MAP1B: variants seen among roughly 807,000 people sequenced by gnomAD.
MAP1B encodes the protein microtubule associated protein 1B.
In MAP1B, 12 loss-of-function variants were observed where a neutral mutation model predicts 176.1. The ratio of observed to expected loss-of-function variants is 0.07; its 90% CI spans 0.04 to 0.11. The LOEUF is 0.11. Among genes scored for constraint, MAP1B ranks in the 10% least tolerant of loss-of-function variants. The pLI, the probability that MAP1B is intolerant of heterozygous loss-of-function variation, is 1.00. For synonymous variants in MAP1B, 1,044 were observed against 1,135.0 expected (o/e 0.92, Z 1.61); for missense variants, 2,523 against 2,990.5 (o/e 0.84, Z 3.65).
At position 72,189,387 on chromosome 5, in the gene MAP1B, G is replaced by C. The variant is rs1746978110; in HGVS notation, c.510+2633G>C. Among the ~76,000 whole-genome samples, 3 of 152,214 alleles carry C rather than the reference G, an allele frequency of 2.0e-5. No individual in the cohort carries two copies. In the South Asian group the frequency reaches 6.2e-4, roughly 32 times the overall value. On this transcript the variant is annotated intron_variant, in intron 4 of 6. Transcript: ENST00000296755. ...TTTGTCTCATTGTATCTTCAAGGAA[G>C]TGATGTGATCCCTTTCCCACCTACA...
chr5:72,118,584 T>C (rs1483214987), intron 2 of MAP1B, among the ~76,000 whole-genome samples: 1 of 151,798 alleles, frequency 6.6e-6, no homozygotes, highest in Non-Finnish European at 1.5e-5. Flanking sequence ...CTGCATCAAA[T>C]CCAGGCTTCA....
At chr5:72,200,648 C>G (rs13189823) in intron 5 of MAP1B, among the ~76,000 whole-genome samples, 1 of 152,256 alleles carries the variant, frequency 6.6e-6, no homozygotes, top group African/African-American at 2.4e-5. Context: ...CAGCCCTGTT[C>G]TAAATCTTCA....
intron 2 of MAP1B, among the ~76,000 whole-genome samples, chr5:72,163,838 T>A (rs565101437): frequency 6.6e-6 from 1 of 152,084 alleles, no homozygotes; most frequent in East Asian, 1.9e-4. Flanking sequence ...TAGATCCATA[T>A]AAATTCATAT....
chr5:72,145,713 AATG>A (rs1379832460), intron 2 of MAP1B, among the ~76,000 whole-genome samples: 2 of 152,208 alleles, frequency 1.3e-5, no homozygotes, highest in African/African-American at 2.4e-5. Context: ...GGCCCCATAC[AATG>A]ATGATGGGAA....
intron 2 of MAP1B, among the ~76,000 whole-genome samples, chr5:72,137,179 C>G (rs1202792776): frequency 6.6e-6 from 1 of 152,196 alleles, no homozygotes; most frequent in African/African-American, 2.4e-5. Context: ...TTTTTATCTT[C>G]CTAGGCATGT....
intron 2 of MAP1B, among the ~76,000 whole-genome samples, chr5:72,141,762 A>T (rs1001011653): frequency 3.9e-5 from 6 of 152,198 alleles, no homozygotes; most frequent in Non-Finnish European, 8.8e-5. Context: ...ATCATGGTTT[A>T]AAAAAAGAAA....
At chr5:72,147,805 G>A (rs113434415) in intron 2 of MAP1B, among the ~76,000 whole-genome samples, 55 of 152,316 alleles carry the variant, frequency 3.6e-4, no homozygotes, top group African/African-American at 1.2e-3. Context: ...TGTTGCCTGG[G>A]AAACTTGCTG....
At chr5:72,117,654 G>C (rs1745458360) in intron 2 of MAP1B, among the ~76,000 whole-genome samples, 1 of 152,172 alleles carries the variant, frequency 6.6e-6, no homozygotes, top group Admixed American at 6.5e-5. Context: ...ATCACCTTCA[G>C]TAAGGATTAG....
intron 4 of MAP1B, among the ~76,000 whole-genome samples, chr5:72,190,772 T>G (rs1747009027): frequency 6.6e-6 from 1 of 152,210 alleles, no homozygotes; most frequent in African/African-American, 2.4e-5. Flanking sequence ...ATCACACTGT[T>G]CAGGGGTCCT....
rs1229105436 is a variant in MAP1B at position 72,207,332 on chromosome 5, A to C, written c.*2093A>C. ...TTTCTATGTTAGTTATTTATTTCAAAATTAACATTTTAGTTGATTTTTGTC... is the reference window on the plus strand; with the variant it reads ...TTTCTATGTTAGTTATTTATTTCAACATTAACATTTTAGTTGATTTTTGTC... On this transcript the variant is annotated 3_prime_UTR_variant, in exon 7 of 7. Coordinates refer to ENST00000296755, the MANE Select transcript of MAP1B (RefSeq NM_005909.5). The C allele has an allele frequency of 6.6e-6, 1 of 152,148 alleles. No individual in the cohort carries two copies. The highest frequency in any genetic ancestry group is 1.5e-5 in the Non-Finnish European group (1 of 68,032). 9.4% of individuals were successfully genotyped at this position (152,148 alleles called of 1,614,324 possible).
In MAP1B at chr5:72,186,620, T is replaced by C. The variant is rs771590409; in HGVS notation, c.376T>C (p.Leu126=). 2 of 1,614,118 alleles carry C rather than the reference T, an allele frequency of 1.2e-6. No homozygotes were observed. The highest frequency in any genetic ancestry group is 2.2e-5 in the East Asian group (1 of 44,888). The change falls in exon 4 of 7, where the codon TTA becomes CTA. Residue 126 remains leucine (L), a synonymous_variant. Transcript: ENST00000296755. This position sits in a 1 kb window ranked among gnomAD's most constrained non-coding sequence, Gnocchi z 4.3. ...GTTCTGTGCTTTATTTCAGGTGCGCTTAATGATCACTGATGCTGCCCGACA... is the reference window on the plus strand; with the variant it reads ...GTTCTGTGCTTTATTTCAGGTGCGCCTAATGATCACTGATGCTGCCCGACA... The part of the protein sequence containing the change: ...SDEAVSTEVR[L]MITDAARHKL...
intron 2 of MAP1B, among the ~76,000 whole-genome samples, chr5:72,178,725 G>GGTGTGTGT (rs34082751): frequency 6.8e-4 from 95 of 140,502 alleles, no homozygotes; most frequent in East Asian, 1.5e-3. Context: ...GCCTCTGAGG[G>GGTGTGTGT]GTGTGTGTGT....
intron 2 of MAP1B, among the ~76,000 whole-genome samples, chr5:72,143,136 G>A (rs1745978676): frequency 6.6e-6 from 1 of 152,074 alleles, no homozygotes; most frequent in Non-Finnish European, 1.5e-5. Flanking sequence ...ACTAAGTGTA[G>A]AAACATCTTT....
intron 2 of MAP1B, among the ~76,000 whole-genome samples, chr5:72,164,765 A>T (rs1746393930): frequency 2.6e-5 from 4 of 152,120 alleles, no homozygotes; most frequent in Admixed American, 6.5e-5. Context: ...GTGGTCTTAA[A>T]CAGAAGAGCT....
chr5:72,202,783 C>T (rs1248110202), intron 5 of MAP1B, among the ~76,000 whole-genome samples: 1 of 152,210 alleles, frequency 6.6e-6, no homozygotes, highest in East Asian at 1.9e-4. Flanking sequence ...AAGCTTTAAA[C>T]TTCCTAACTG....
chr5:72,184,762 C>T (rs1413580108), intron 3 of MAP1B, among the ~76,000 whole-genome samples: 2 of 152,164 alleles, frequency 1.3e-5, no homozygotes, highest in South Asian at 2.1e-4. Flanking sequence ...TTGTTTGCAG[C>T]GTCCCTTCTA....
chr5:72,197,122 G>A lies in MAP1B; in HGVS notation c.3767G>A (p.Ser1256Asn). ...VSSEKVSPSK[S>N]PSLSPSPPSP... ...AGTGAAAAGGTCAGCCCATCGAAGA[G>A]CCCGTCCCTGAGTCCATCTCCACCA... The change falls in exon 5 of 7, where the codon AGC becomes AAC. Residue 1256 changes from serine (S) to asparagine (N), a missense_variant. Physicochemically the swap from Ser to Asn is conservative, Grantham distance 46. Coordinates refer to ENST00000296755, the MANE Select transcript of MAP1B (RefSeq NM_005909.5). 3 of 1,614,222 alleles carry A rather than the reference G, an allele frequency of 1.9e-6. No individual in the cohort carries two copies. Among genetic ancestry groups the A allele is most frequent in the Non-Finnish European group, 2.5e-6 (3 of 1,180,040 alleles).
In MAP1B at chr5:72,197,717, C is replaced by T; in HGVS notation, c.4362C>T (p.Tyr1454=). The stretch of plus-strand genomic sequence containing the variant: ...CTGAAATGACTTCTACTAGTCTTTA[C>T]CAAGACAAACAGGAAGGGAAAAGCA... ...PVSEMTSTSL[Y]QDKQEGKSTD... is the part of the protein sequence containing the mutation. The change falls in exon 5 of 7, where the codon TAC becomes TAT. Residue 1454 remains tyrosine (Y), a synonymous_variant. Transcript: ENST00000296755. 1.2e-6 allele frequency: 2 copies of T among 1,614,000 alleles called. No individual in the cohort carries two copies. The highest frequency in any genetic ancestry group is 1.7e-6 in the Non-Finnish European group (2 of 1,180,030).
At chr5:72,160,952 G>C (rs532881473) in intron 2 of MAP1B, among the ~76,000 whole-genome samples, 4 of 152,326 alleles carry the variant, frequency 2.6e-5, no homozygotes, top group African/African-American at 9.6e-5. Context: ...AGGCTAGAAA[G>C]ACCCCAGAAC....
Sources: gnomAD v4.1 joint callset for allele counts (sites outside exome capture counted in the v4.1 genomes callset) on GRCh38, gnomAD v4.1.1 for gene constraint, Gnocchi (gnomAD v3.1) non-coding constraint, MANE v1.5 for transcripts, NCBI Gene and HGNC (gene_info 2026-07-23, HGNC 2026-07-21) for gene names.